Variants in ACAN observed in about 807,000 individuals in gnomAD.
ACAN encodes the protein aggrecan.
A neutral mutation model predicts 169.1 loss-of-function variants in ACAN; 47 were observed. The ratio of observed to expected loss-of-function variants is 0.28; its 90% CI spans 0.22 to 0.35. ACAN has a LOEUF of 0.35. ACAN is among the 10% of genes least tolerant of loss of function. The probability of loss-of-function intolerance (pLI) is 1.00; values close to 1 mark genes in which losing one functional copy is unlikely to be tolerated. For synonymous variants in ACAN, 1,115 were observed against 1,112.2 expected, an observed-to-expected ratio of 1.00 and a Z score of -0.05; for missense variants, 2,716 against 2,759.9, an observed-to-expected ratio of 0.98 and a Z score of 0.36.
chr15:88,809,103 C>A (rs779541199), intron 1 of ACAN, among the ~76,000 whole-genome samples: 1 of 152,192 alleles, frequency 6.6e-6, no homozygotes, highest in Non-Finnish European at 1.5e-5. Context: ...ATTAGACATA[C>A]AATAAAATGG....
chr15:88,820,108 T>G (rs562676432), intron 1 of ACAN, among the ~76,000 whole-genome samples: 39 of 152,350 alleles, frequency 2.6e-4, no homozygotes, highest in African/African-American at 9.1e-4. Context: ...TTCAAAATGC[T>G]GCTGGGCACC....
Position 88,860,072 on chromosome 15 carries a change from C to CTT in ACAN, c.6833-234_6833-233dup, listed in dbSNP as rs57985365. Reference sequence around the variant, plus strand: ...GCACTGGTAGCGGTAGCTGATTTTCCTTTTTTTTTTTTTTTTTTTTTGCTC... The same window carrying CTT: ...GCACTGGTAGCGGTAGCTGATTTTCCTTTTTTTTTTTTTTTTTTTTTTTGCTC... On this transcript the variant is annotated intron_variant, in intron 12 of 18. Coordinates refer to ENST00000560601, the MANE Select transcript of ACAN (RefSeq NM_001369268.1). Among the ~76,000 whole-genome samples, 85 of 102,872 alleles carry CTT rather than the reference C, an allele frequency of 8.3e-4. 1 individual carries two copies. Among genetic ancestry groups the CTT allele is most frequent in the African/African-American group, 1.6e-3 (34 of 21,158 alleles). 67.5% of individuals were successfully genotyped at this position (102,872 alleles called of 152,430 possible).
Position 88,845,779 on chromosome 15 carries a change from C to T in ACAN, c.1326C>T (p.Pro442=), listed in dbSNP as rs1300132348. 1 of 1,600,134 alleles carries T rather than the reference C, an allele frequency of 6.2e-7. No homozygotes were observed. The highest frequency in any genetic ancestry group is 1.7e-5 in the Admixed American group (1 of 58,832). Residue 442 remains proline (P), a synonymous_variant, in exon 7 of 19, where the codon CCC becomes CCT. Coordinates refer to ENST00000560601, the MANE Select transcript of ACAN (RefSeq NM_001369268.1). Reference sequence around the variant, plus strand: ...ATGAGACTGGAGAGGCCACCAGGCCCTGGGGCTTTCCCACACCTGGCCTGG... The same window carrying T: ...ATGAGACTGGAGAGGCCACCAGGCCTTGGGGCTTTCCCACACCTGGCCTGG... The part of the protein sequence containing the change: ...VENETGEATR[P]WGFPTPGLGP...
chr15:88,819,254 A>G (rs1048918321), intron 1 of ACAN, among the ~76,000 whole-genome samples: 8 of 152,218 alleles, frequency 5.3e-5, no homozygotes, highest in African/African-American at 1.9e-4. Flanking sequence ...GCAGCTCTTC[A>G]GTGACTGCTC....
rs530456916 is a variant in ACAN at position 88,873,975 on chromosome 15, G to A, written c.7581G>A (p.Arg2527=). 1.2e-6 allele frequency: 2 copies of A among 1,613,192 alleles called. No homozygotes were observed. The highest frequency in any genetic ancestry group is 1.3e-5 in the African/African-American group (1 of 75,020). The stretch of plus-strand genomic sequence containing the variant: ...TCCAGCGCCACATGCCCACCATCCG[G>A]TGCCAGCCCAGCGGGCACTGGGAGG... ...GFVQRHMPTI[R]CQPSGHWEEP... The change falls in exon 18 of 19, where the codon CGG becomes CGA. Residue 2527 remains arginine (R), a synonymous_variant. Transcript: ENST00000560601. This position sits in a 1 kb window ranked among gnomAD's most constrained non-coding sequence, Gnocchi z 7.5.
Position 88,873,622 on chromosome 15 carries a change from A to G in ACAN, c.7448-220A>G. On this transcript the variant is annotated intron_variant, in intron 17 of 18. Coordinates refer to ENST00000560601, the MANE Select transcript of ACAN (RefSeq NM_001369268.1). The surrounding 1 kb of genome is among the most constrained non-coding windows in gnomAD (Gnocchi z 7.5). The stretch of plus-strand genomic sequence containing the variant: ...CCTTTCATCTTCTCTTCATCCCTTT[A>G]AAGACCACCCCGTTTGTATTCCCTT... 1.7e-6 allele frequency: 1 copy of G among 579,616 alleles called. No homozygotes were observed. Among genetic ancestry groups the G allele is most frequent in the Non-Finnish European group, 3.1e-6 (1 of 326,706 alleles). The allele number at this position is 579,616 out of a possible 1,614,324, so 35.9% of individuals were successfully genotyped here.
At chr15:88,813,261 GC>G (rs1235516197) in intron 1 of ACAN, among the ~76,000 whole-genome samples, 4 of 152,234 alleles carry the variant, frequency 2.6e-5, no homozygotes, top group Non-Finnish European at 5.9e-5. Flanking sequence ...CCCCATGGGG[GC>G]TAGAGAGGTG....
intron 7 of ACAN, among the ~76,000 whole-genome samples, chr15:88,846,675 A>T (rs2141584235): frequency 6.6e-6 from 1 of 152,348 alleles, no homozygotes; most frequent in East Asian, 1.9e-4. Flanking sequence ...CAATATAACC[A>T]CTACTTACAT....
chr15:88,844,941 TG>T (rs1896756964), intron 6 of ACAN, among the ~76,000 whole-genome samples: 1 of 152,202 alleles, frequency 6.6e-6, no homozygotes, highest in South Asian at 2.1e-4. Flanking sequence ...GGTTAATAGC[TG>T]GGATTTCCCC....
chr15:88,873,575 G>A lies in ACAN; in HGVS notation c.7448-267G>A, dbSNP rs917221941. 28 of 494,432 alleles carry A rather than the reference G, an allele frequency of 5.7e-5. No homozygotes were observed. The highest frequency in any genetic ancestry group is 4.2e-4 in the African/African-American group (22 of 52,126). The allele number at this position is 494,432 out of a possible 1,614,324, so 30.6% of individuals were successfully genotyped here. A position where few individuals can be genotyped will look rare whatever the true frequency, so the allele number is the denominator to read the frequency against. On this transcript the variant is annotated intron_variant, in intron 17 of 18. Coordinates refer to ENST00000560601, the MANE Select transcript of ACAN (RefSeq NM_001369268.1). This position sits in a 1 kb window ranked among gnomAD's most constrained non-coding sequence, Gnocchi z 7.5. Reference sequence around the variant, plus strand: ...AGAAGCCTGAGTCTGCCTGGCTCTCGCCCTCCACACCTTTCTACCTCCCTT... The same window carrying A: ...AGAAGCCTGAGTCTGCCTGGCTCTCACCCTCCACACCTTTCTACCTCCCTT...
rs772038112 is a variant in ACAN at position 88,839,071 on chromosome 15, C to T, written c.454+25C>T. 1.6e-4 allele frequency: 256 copies of T among 1,596,152 alleles called. No homozygotes were observed. The highest frequency in any genetic ancestry group is 2.1e-4 in the Non-Finnish European group (247 of 1,177,884). On this transcript the variant is annotated intron_variant, in intron 3 of 18. Coordinates refer to ENST00000560601, the MANE Select transcript of ACAN (RefSeq NM_001369268.1). The surrounding 1 kb of genome is among the most constrained non-coding windows in gnomAD (Gnocchi z 4.5). Reference sequence around the variant, plus strand: ...GGTGAGAGCCTCCCACAGGGACAGACGCTGCTTCACCCACATAAAGAACCA... The same window carrying T: ...GGTGAGAGCCTCCCACAGGGACAGATGCTGCTTCACCCACATAAAGAACCA...
intron 1 of ACAN, among the ~76,000 whole-genome samples, chr15:88,817,836 A>C (rs1405382743): frequency 7.1e-6 from 1 of 140,012 alleles, no homozygotes; most frequent in Non-Finnish European, 1.5e-5. Flanking sequence ...ACTGCGCAAC[A>C]GAGTGAGACT....
At chr15:88,811,717 G>A (rs151322929) in intron 1 of ACAN, among the ~76,000 whole-genome samples, 9 of 152,274 alleles carry the variant, frequency 5.9e-5, no homozygotes, top group African/African-American at 2.2e-4. Context: ...TCCCTGGCCT[G>A]TTGGGTGACT....
rs1788105457 is a variant in ACAN, at chr15:88,848,052, T to A, written c.1732+14T>A. On this transcript the variant is annotated intron_variant, in intron 9 of 18. Transcript: ENST00000560601. ...ACAGACTTGAGGGTACAAGCCACAT[T>A]CTCACATTTCGGGCCCTAGATGGGC... 2.5e-6 allele frequency: 4 copies of A among 1,611,790 alleles called. No individual in the cohort carries two copies. The highest frequency in any genetic ancestry group is 3.4e-6 in the Non-Finnish European group (4 of 1,178,558).
rs753721566 is a variant in ACAN, at chr15:88,874,497, C to T, written c.*16C>T. 120 of 1,588,586 alleles carry T rather than the reference C, an allele frequency of 7.6e-5. 2 individuals are homozygous for T. The highest frequency in any genetic ancestry group is 1.7e-4 in the South Asian group (15 of 86,968). ...AGCCCACTGAGAAGAGCTTCCAGGA[C>T]GCACCCAGGACGCTGAGCCCAGGAG... On this transcript the variant is annotated 3_prime_UTR_variant, in exon 19 of 19. Coordinates refer to ENST00000560601, the MANE Select transcript of ACAN (RefSeq NM_001369268.1). The surrounding 1 kb of genome is among the most constrained non-coding windows in gnomAD (Gnocchi z 7.3).
rs149614313 is a variant in ACAN at position 88,860,242 on chromosome 15, C to G, written c.6833-84C>G. The G allele has an allele frequency of 1.0e-3, 998 of 976,368 alleles. 8 individuals carry two copies. The highest frequency in any genetic ancestry group is 6.5e-3 in the Middle Eastern group (20 of 3,096). 60.5% of individuals were successfully genotyped at this position (976,368 alleles called of 1,614,324 possible). The stretch of plus-strand genomic sequence containing the variant: ...CCAGCCTCGTGGACTTCAGGAACCT[C>G]ATGCCCCAACTTTGAGGTCTTGGAG... On this transcript the variant is annotated intron_variant, in intron 12 of 18. Transcript: ENST00000560601.
At position 88,872,850 on chromosome 15, in the gene ACAN, C is replaced by T. The variant is rs779447828; in HGVS notation, c.7303-31C>T. The stretch of plus-strand genomic sequence containing the variant: ...AGGCCAACCCGCACTGTCCTGCCCT[C>T]TCCTTACTCCTTCCCCACTCCCACC... On this transcript the variant is annotated intron_variant, in intron 16 of 18. Coordinates refer to ENST00000560601, the MANE Select transcript of ACAN (RefSeq NM_001369268.1). This position sits in a 1 kb window ranked among gnomAD's most constrained non-coding sequence, Gnocchi z 5.4. 1.1e-5 allele frequency: 18 copies of T among 1,611,974 alleles called. No individual in the cohort carries two copies. Among genetic ancestry groups the T allele is most frequent in the Non-Finnish European group, 1.5e-5 (18 of 1,179,624 alleles).
rs770635513 is a variant in ACAN, at chr15:88,839,080, A to C, written c.454+34A>C. Reference sequence around the variant, plus strand: ...CTCCCACAGGGACAGACGCTGCTTCACCCACATAAAGAACCAGAGCAGTCT... The same window carrying C: ...CTCCCACAGGGACAGACGCTGCTTCCCCCACATAAAGAACCAGAGCAGTCT... On this transcript the variant is annotated intron_variant, in intron 3 of 18. Coordinates refer to ENST00000560601, the MANE Select transcript of ACAN (RefSeq NM_001369268.1). This position sits in a 1 kb window ranked among gnomAD's most constrained non-coding sequence, Gnocchi z 4.5. The C allele has an allele frequency of 1.9e-6, 3 of 1,593,108 alleles. No homozygotes were observed. The East Asian group carries it at 6.7e-5, about 36-fold the overall frequency.
intron 6 of ACAN, among the ~76,000 whole-genome samples, chr15:88,844,299 T>A (rs1342419463): frequency 3.3e-5 from 5 of 150,004 alleles, no homozygotes; most frequent in African/African-American, 1.2e-4. Flanking sequence ...CTTTGCTTTT[T>A]TTTTTTTTTT....
Sources: gnomAD v4.1 joint callset for allele counts (sites outside exome capture counted in the v4.1 genomes callset) on GRCh38, gnomAD v4.1.1 for gene constraint, Gnocchi (gnomAD v3.1) non-coding constraint, MANE v1.5 for transcripts, NCBI Gene and HGNC (gene_info 2026-07-23, HGNC 2026-07-21) for gene names.